Variants in RPS6KC1 observed in about 807,000 individuals in gnomAD.
The protein encoded by RPS6KC1 is ribosomal protein S6 kinase C1.
In RPS6KC1, 54 loss-of-function variants were observed where a neutral mutation model predicts 103.8. The observed-to-expected ratio is 0.52, with a 90% CI of 0.42 to 0.65. The LOEUF is 0.65. Ranked by LOEUF, RPS6KC1 falls within the 30% of genes least tolerant of loss-of-function variation. The pLI is 0.00. For missense variants in RPS6KC1, 1,151 were observed against 1,253.8 expected, an observed-to-expected ratio of 0.92 and a Z score of 1.24; for synonymous variants, 439 against 438.7, an observed-to-expected ratio of 1.00 and a Z score of -0.01.
intron 6 of RPS6KC1, among the ~76,000 whole-genome samples, chr1:213,137,777 C>CTCTCTATA (rs1387641875): frequency 1.4e-3 from 87 of 63,564 alleles, no homozygotes; most frequent in African/African-American, 7.7e-3. Context: ...CTCTCTCTCT[C>CTCTCTATA]TATATATATA....
intron 7 of RPS6KC1, among the ~76,000 whole-genome samples, chr1:213,173,407 AT>A (rs2091628877): frequency 6.6e-6 from 1 of 152,158 alleles, no homozygotes. Flanking sequence ...TCATTGGGTT[AT>A]TTCTCATAGA....
the RPS6KC1 span, among the ~76,000 whole-genome samples, chr1:213,701,526 T>G: frequency 6.6e-6 from 1 of 152,180 alleles, no homozygotes; most frequent in East Asian, 1.9e-4. Context: ...AATTCAGCAG[T>G]GAAGCCAACA....
chr1:213,100,460 G>A (rs562005484), intron 3 of RPS6KC1, among the ~76,000 whole-genome samples: 1 of 152,234 alleles, frequency 6.6e-6, no homozygotes, highest in South Asian at 2.1e-4. Flanking sequence ...GATTCAGCAG[G>A]TACATGTGCA....
At chr1:213,698,343 A>T in the RPS6KC1 span, among the ~76,000 whole-genome samples, 1 of 152,146 alleles carries the variant, frequency 6.6e-6, no homozygotes, top group Admixed American at 6.5e-5. Flanking sequence ...ACACTTCTTA[A>T]GTTCTTGCAT....
At chr1:213,684,051 C>T in the RPS6KC1 span, among the ~76,000 whole-genome samples, 1 of 152,172 alleles carries the variant, frequency 6.6e-6, no homozygotes, top group Non-Finnish European at 1.5e-5. Context: ...TTAGATTTTG[C>T]ATGCATTGCC....
chr1:213,399,406 C>T, the RPS6KC1 span, among the ~76,000 whole-genome samples: 1 of 152,130 alleles, frequency 6.6e-6, no homozygotes, highest in Non-Finnish European at 1.5e-5. Flanking sequence ...TCCTTGGCCT[C>T]TTCCAGAAAG....
chr1:213,136,464 C>CA (rs139275005), intron 6 of RPS6KC1, among the ~76,000 whole-genome samples: 4,078 of 145,804 alleles, frequency 0.028, 175 homozygotes, highest in African/African-American at 0.093. Flanking sequence ...TAGGCAGAAA[C>CA]AAAAAAAAAA....
chr1:213,541,572 T>TA, the RPS6KC1 span, among the ~76,000 whole-genome samples: 1 of 151,518 alleles, frequency 6.6e-6, no homozygotes, highest in Non-Finnish European at 1.5e-5. Flanking sequence ...GCTTACTGAT[T>TA]AAAAAAAAAT....
the RPS6KC1 span, among the ~76,000 whole-genome samples, chr1:213,384,562 C>T: frequency 7.2e-5 from 11 of 152,118 alleles, no homozygotes; most frequent in African/African-American, 1.9e-4. Flanking sequence ...GAAGCCACCA[C>T]GGGAAGGTGT....
chr1:213,769,591 T>C, the RPS6KC1 span, among the ~76,000 whole-genome samples: 35 of 152,022 alleles, frequency 2.3e-4, no homozygotes, highest in Non-Finnish European at 4.6e-4. Flanking sequence ...CTGCCTGTCC[T>C]CACTCTCAAA....
intron 8 of RPS6KC1, among the ~76,000 whole-genome samples, chr1:213,183,967 G>A (rs1421024958): frequency 2.0e-5 from 3 of 151,918 alleles, no homozygotes; most frequent in Non-Finnish European, 4.4e-5. Context: ...GGATAACAAG[G>A]GAATACTACA....
chr1:213,840,916 A>G, the RPS6KC1 span: 1 of 152,162 alleles, frequency 6.6e-6, no homozygotes, highest in African/African-American at 2.4e-5. Context: ...GTGGGACAAG[A>G]AAACTTCTTT....
chr1:213,497,368 A>G, the RPS6KC1 span, among the ~76,000 whole-genome samples: 1 of 142,316 alleles, frequency 7.0e-6, no homozygotes, highest in South Asian at 2.2e-4. Flanking sequence ...TTAAAAGTTT[A>G]ACTTAAGGAA....
the RPS6KC1 span, among the ~76,000 whole-genome samples, chr1:213,453,311 A>G: frequency 6.6e-6 from 1 of 152,196 alleles, no homozygotes; most frequent in Non-Finnish European, 1.5e-5. Flanking sequence ...GCTTACACAC[A>G]TATGAGAAAG....
At chr1:213,661,305 A>ACCT in the RPS6KC1 span, among the ~76,000 whole-genome samples, 1 of 152,186 alleles carries the variant, frequency 6.6e-6, no homozygotes, top group Non-Finnish European at 1.5e-5. Flanking sequence ...TCAGGATCTC[A>ACCT]GGTAGAGAGA....
At chr1:213,091,242 A>G (rs1043388895) in intron 3 of RPS6KC1, among the ~76,000 whole-genome samples, 1 of 151,864 alleles carries the variant, frequency 6.6e-6, no homozygotes, top group Non-Finnish European at 1.5e-5. Flanking sequence ...TTGTATTTTT[A>G]GTAGAGACGG....
chr1:213,743,358 AACAATAGAC>A, the RPS6KC1 span, among the ~76,000 whole-genome samples: 2 of 152,296 alleles, frequency 1.3e-5, no homozygotes, highest in East Asian at 3.9e-4. Flanking sequence ...CATAAACATG[AACAATAGAC>A]ACTGCAGAAT....
the RPS6KC1 span, among the ~76,000 whole-genome samples, chr1:213,851,565 G>T: frequency 6.6e-6 from 1 of 151,978 alleles, no homozygotes; most frequent in Non-Finnish European, 1.5e-5. Context: ...CCAGGTAATC[G>T]CATTCACTTC....
intron 3 of RPS6KC1, among the ~76,000 whole-genome samples, chr1:213,089,824 T>C (rs2148648892): frequency 6.6e-6 from 1 of 152,316 alleles, no homozygotes; most frequent in Middle Eastern, 3.4e-3. Flanking sequence ...TACCTCATGC[T>C]TTTATTTTGC....
Sources: gnomAD v4.1 joint callset for allele counts (sites outside exome capture counted in the v4.1 genomes callset) on GRCh38, gnomAD v4.1.1 for gene constraint, MANE v1.5 for transcripts, NCBI Gene and HGNC (gene_info 2026-07-23, HGNC 2026-07-21) for gene names.